ANKS1B: variants seen among roughly 807,000 people sequenced by gnomAD.
ANKS1B encodes ankyrin repeat and sterile alpha motif domain-containing protein 1B.
ANKS1B carries 36 observed loss-of-function variants against 148.3 expected under a neutral mutation model. That is an observed-to-expected ratio of 0.24 (90% CI 0.19 to 0.32). ANKS1B has a LOEUF of 0.32. ANKS1B is among the 10% of genes least tolerant of loss of function. The probability of loss-of-function intolerance (pLI) is 1.00; values close to 1 mark genes in which losing one functional copy is unlikely to be tolerated. For synonymous variants in ANKS1B, 542 were observed against 560.8 expected (o/e 0.97, Z 0.47); for missense variants, 1,157 against 1,542.6 (o/e 0.75, Z 4.19).
chr12:99,399,494 A>G (rs2094345308), intron 12 of ANKS1B, 137 bp downstream of exon 12: 2 of 833,312 alleles, frequency 2.4e-6, no homozygotes, highest in Non-Finnish European at 3.7e-6. Flanking sequence ...CAAGAATCTT[A>G]AAGCCCTACA....
chr12:99,900,852 T>C (rs1335618452), intron 1 of ANKS1B, among the ~76,000 whole-genome samples: 2 of 152,236 alleles, frequency 1.3e-5, no homozygotes, highest in Non-Finnish European at 2.9e-5. Flanking sequence ...AATGAACGTA[T>C]GCAATGCATG....
chr12:99,163,162 A>G (rs184808932), intron 14 of ANKS1B, among the ~76,000 whole-genome samples: 3 of 152,354 alleles, frequency 2.0e-5, no homozygotes, highest in Non-Finnish European at 4.4e-5. Flanking sequence ...CTTTTTAAAA[A>G]TAACTACATA....
intron 15 of ANKS1B, among the ~76,000 whole-genome samples, chr12:99,139,959 T>C (rs1226428273): frequency 1.3e-5 from 2 of 152,208 alleles, no homozygotes; most frequent in African/African-American, 4.8e-5. Context: ...CACATAGATT[T>C]ACATTTTAAA....
chr12:99,369,839 C>CAG (rs1347794552), intron 12 of ANKS1B, among the ~76,000 whole-genome samples: 134 of 142,380 alleles, frequency 9.4e-4, no homozygotes, highest in Non-Finnish European at 1.3e-3. Flanking sequence ...GATAGACAGA[C>CAG]AGACAGAGAC....
chr12:99,508,723 T>C (rs1396497263), intron 9 of ANKS1B, among the ~76,000 whole-genome samples: 12 of 151,974 alleles, frequency 7.9e-5, no homozygotes, highest in Non-Finnish European at 2.9e-5. Flanking sequence ...TTTGTTTACA[T>C]ATTCAACTAT....
At chr12:99,649,311 A>C (rs1157806121) in intron 9 of ANKS1B, 2 of 1,614,152 alleles carry the variant, frequency 1.2e-6, no homozygotes, top group Admixed American at 1.7e-5. Context: ...AGTTTTGTGA[A>C]GAGAAGGAGC....
chr12:99,157,179 C>T (rs555782884), intron 14 of ANKS1B, among the ~76,000 whole-genome samples: 2 of 152,090 alleles, frequency 1.3e-5, no homozygotes, highest in Non-Finnish European at 2.9e-5. Flanking sequence ...TCAACATTAC[C>T]TATAGGAGAA....
intron 1 of ANKS1B, among the ~76,000 whole-genome samples, chr12:99,835,266 A>AAAC (rs2084666416): frequency 6.9e-6 from 1 of 145,300 alleles, no homozygotes; most frequent in African/African-American, 2.5e-5. Context: ...AAAAAAAAAA[A>AAAC]ACACAAAAAG....
intron 14 of ANKS1B, among the ~76,000 whole-genome samples, chr12:99,236,118 C>T (rs2087866447): frequency 6.6e-6 from 1 of 152,198 alleles, no homozygotes; most frequent in Admixed American, 6.5e-5. Flanking sequence ...TTGTAGACCA[C>T]ATTTTGAGAA....
At position 98,879,803 on chromosome 12, in the gene ANKS1B, A is replaced by G. The variant is rs1176057626; in HGVS notation, c.2779-47667T>C. On this transcript the variant is annotated intron_variant, in intron 17 of 26. Transcript: ENST00000683438. ...TATTGGACAAATAAATTCTCTTGGAATCTTCATATTGATGTACATAGGACA... is the reference window on the plus strand; with the variant it reads ...TATTGGACAAATAAATTCTCTTGGAGTCTTCATATTGATGTACATAGGACA... Among the ~76,000 whole-genome samples, 6 of 152,316 alleles carry G rather than the reference A, an allele frequency of 3.9e-5. No individual in the cohort carries two copies. The East Asian group carries it at 9.6e-4, about 24-fold the overall frequency.
At chr12:99,804,844 C>T (rs747506279) in intron 4 of ANKS1B, among the ~76,000 whole-genome samples, 14 of 152,128 alleles carry the variant, frequency 9.2e-5, no homozygotes, top group Non-Finnish European at 1.9e-4. Flanking sequence ...CCTCAAGAAG[C>T]CTTGTACAAT....
chr12:99,019,220 C>G (rs977954142), intron 17 of ANKS1B, among the ~76,000 whole-genome samples: 13 of 152,124 alleles, frequency 8.5e-5, no homozygotes, highest in Non-Finnish European at 1.6e-4. Context: ...TTTAAAACAG[C>G]TGTAAACCTA....
chr12:98,751,130 AGAAAGT>A lies in ANKS1B; in HGVS notation c.3747+219_3747+224del, dbSNP rs1462939366. 6.6e-6 allele frequency among the ~76,000 whole-genome samples: 1 copy of A among 152,162 alleles called. No homozygotes were observed. Among genetic ancestry groups the A allele is most frequent in the African/African-American group, 2.4e-5 (1 of 41,432 alleles). On this transcript the variant is annotated intron_variant, in intron 26 of 26. Transcript: ENST00000683438. The surrounding 1 kb of genome is among the most constrained non-coding windows in gnomAD (Gnocchi z 4.3). ...TTCATAGGGTTGCTGCAGGTGACTG[AGAAAGT>A]GGATTTCTCTGGAGGCTCCAGGTTG...
intron 1 of ANKS1B, among the ~76,000 whole-genome samples, chr12:99,832,527 C>T (rs1007660746): frequency 6.6e-6 from 1 of 151,910 alleles, no homozygotes; most frequent in South Asian, 2.1e-4. Flanking sequence ...AGTTCGAAAC[C>T]AGCCTGGCCA....
At chr12:99,799,779 T>C (rs1400279213) in intron 4 of ANKS1B, among the ~76,000 whole-genome samples, 1 of 152,080 alleles carries the variant, frequency 6.6e-6, no homozygotes, top group Non-Finnish European at 1.5e-5. Flanking sequence ...GGTAGGAGTG[T>C]ACATAATGTG....
At chr12:99,481,132 T>C (rs1006195108) in intron 10 of ANKS1B, among the ~76,000 whole-genome samples, 3 of 151,782 alleles carry the variant, frequency 2.0e-5, no homozygotes, top group African/African-American at 7.2e-5. Context: ...CCATCACCCA[T>C]GTAGTCTACA....
intron 12 of ANKS1B, among the ~76,000 whole-genome samples, chr12:99,356,093 T>C (rs922238783): frequency 6.6e-6 from 1 of 152,110 alleles, no homozygotes. Context: ...TAAAGGGTAC[T>C]CTTAAAATAT....
chr12:99,441,370 C>T (rs988854334), intron 11 of ANKS1B, among the ~76,000 whole-genome samples: 1 of 151,814 alleles, frequency 6.6e-6, no homozygotes, highest in Non-Finnish European at 1.5e-5. Flanking sequence ...TCTTCAAATC[C>T]TTTCCTGAAA....
At chr12:99,110,485 A>G (rs1186511953) in intron 15 of ANKS1B, among the ~76,000 whole-genome samples, 5 of 152,214 alleles carry the variant, frequency 3.3e-5, no homozygotes, top group Non-Finnish European at 7.4e-5. Context: ...CACTGATTGG[A>G]GAATTATATT....
Sources: allele counts gnomAD v4.1 joint callset (sites outside exome capture counted in the v4.1 genomes callset), GRCh38; gene constraint gnomAD v4.1.1; non-coding constraint Gnocchi (gnomAD v3.1); transcripts MANE v1.5; gene names NCBI Gene and HGNC (gene_info 2026-07-23, HGNC 2026-07-21).